The following ZMAT3 variants were observed in gnomAD, a reference collection of about 807,000 sequenced individuals.
The protein encoded by ZMAT3 is zinc finger matrin-type 3, also known as zinc finger matrin-type protein 3.
ZMAT3 carries 17 observed loss-of-function variants against 32.3 expected under a neutral mutation model. The ratio of observed to expected loss-of-function variants is 0.53; its 90% confidence interval spans 0.36 to 0.79. The LOEUF (loss-of-function observed/expected upper bound fraction) is 0.79. ZMAT3 is among the 30% of genes least tolerant of loss of function. The pLI is 0.00. For missense variants in ZMAT3, 329 were observed against 359.7 expected, an observed-to-expected ratio of 0.91 and a Z score of 0.69; for synonymous variants, 120 against 133.1, an observed-to-expected ratio of 0.90 and a Z score of 0.68.
At chr3:179,026,418 G>C (rs1576835113) in intron 5 of ZMAT3, among the ~76,000 whole-genome samples, 1 of 95,286 alleles carries the variant, frequency 1.0e-5, no homozygotes, top group African/African-American at 4.2e-5. Flanking sequence ...ACAGAGTCTT[G>C]CTCTGTCACC....
At position 179,030,883 on chromosome 3, in the gene ZMAT3, C is replaced by T. The variant is rs138510384; in HGVS notation, c.387G>A (p.Pro129=). The change falls in exon 3 of 6, where the codon CCG becomes CCA. Residue 129 remains proline, a synonymous_variant. Coordinates refer to ENST00000311417, the MANE Select transcript of ZMAT3 (RefSeq NM_022470.4). ...CACCCTGACACACATGTCTCACCTG[C>T]GGAGGGACTGGAACAACTGGAGTAG... The part of the protein sequence containing the change: ...PAATPVVPVP[P]QMGSFKPGGR... 8.1e-5 allele frequency: 130 copies of T among 1,612,420 alleles called. 1 individual carries two copies. The South Asian group carries it at 8.3e-4, about 10-fold the overall frequency.
At position 179,022,911 on chromosome 3, in the gene ZMAT3, T is replaced by C. The variant is rs751134131; in HGVS notation, c.*2106A>G. 9.2e-5 allele frequency: 14 copies of C among 151,974 alleles called. No homozygotes were observed. Among genetic ancestry groups the C allele is most frequent in the Non-Finnish European group, 1.9e-4 (13 of 67,976 alleles). The allele number at this position is 151,974 out of a possible 1,614,324, so 9.4% of individuals were successfully genotyped here. On this transcript the variant is annotated 3_prime_UTR_variant, in exon 6 of 6. Transcript: ENST00000311417. ...ATGATTGTAATTTGCCTTCCCCAAT[T>C]TTTTTTGCCTACAGAATTATCAAGA...
chr3:179,042,103 A>G (rs941481808), intron 2 of ZMAT3, among the ~76,000 whole-genome samples: 1 of 152,216 alleles, frequency 6.6e-6, no homozygotes, highest in Non-Finnish European at 1.5e-5. Flanking sequence ...ATAGCCTACC[A>G]ATCAAAAAAA....
At chr3:179,068,828 T>C (rs1418557254) in intron 1 of ZMAT3, among the ~76,000 whole-genome samples, 1 of 152,196 alleles carries the variant, frequency 6.6e-6, no homozygotes, top group Non-Finnish European at 1.5e-5. Context: ...TTAAGTCGAA[T>C]TAGTTGTTAG....
chr3:179,039,407 T>C (rs1173555887), intron 2 of ZMAT3, among the ~76,000 whole-genome samples: 5 of 152,150 alleles, frequency 3.3e-5, no homozygotes, highest in Non-Finnish European at 5.9e-5. Flanking sequence ...ATATTTGCTG[T>C]TCTGCAGCCT....
intron 2 of ZMAT3, among the ~76,000 whole-genome samples, chr3:179,063,993 A>G (rs942985173): frequency 1.5e-4 from 23 of 152,232 alleles, no homozygotes; most frequent in African/African-American, 5.3e-4. Flanking sequence ...GGATGTCAGG[A>G]AAAAATGCTA....
intron 2 of ZMAT3, among the ~76,000 whole-genome samples, chr3:179,034,470 C>A (rs1023742198): frequency 8.5e-5 from 13 of 152,216 alleles, no homozygotes; most frequent in Admixed American, 7.9e-4. Context: ...GACCTCTAAA[C>A]TCTACAATGT....
At chr3:179,070,945 A>C (rs1318393431) in intron 1 of ZMAT3, among the ~76,000 whole-genome samples, 1 of 152,226 alleles carries the variant, frequency 6.6e-6, no homozygotes, top group Admixed American at 6.5e-5. Context: ...AGAGAATAGA[A>C]TAAAGGAACA....
At chr3:179,069,888 C>T (rs931934861) in intron 1 of ZMAT3, among the ~76,000 whole-genome samples, 2 of 152,082 alleles carry the variant, frequency 1.3e-5, no homozygotes, top group African/African-American at 4.8e-5. Flanking sequence ...AGAGTTTTAA[C>T]ATTTAAAAAG....
At chr3:179,044,854 G>A (rs1267301939) in intron 2 of ZMAT3, among the ~76,000 whole-genome samples, 1 of 151,922 alleles carries the variant, frequency 6.6e-6, no homozygotes, top group African/African-American at 2.4e-5. Flanking sequence ...CACAGGGCGG[G>A]GAACATCACA....
Position 179,022,722 on chromosome 3 carries a change from T to A in ZMAT3, c.*2295A>T, listed in dbSNP as rs1285216483. On this transcript the variant is annotated 3_prime_UTR_variant, in exon 6 of 6. Coordinates refer to ENST00000311417, the MANE Select transcript of ZMAT3 (RefSeq NM_022470.4). ...AACAGAATAGTATTTGATTCTTCTG[T>A]TTCTGGGAGAAGAAAAGTTACAAAA... 1 of 152,062 alleles carries A rather than the reference T, an allele frequency of 6.6e-6. No individual in the cohort carries two copies. Among genetic ancestry groups the A allele is most frequent in the African/African-American group, 2.4e-5 (1 of 41,432 alleles). The allele number at this position is 152,062 out of a possible 1,614,324, so 9.4% of individuals were successfully genotyped here. A position where few individuals can be genotyped will look rare whatever the true frequency, so the allele number is the denominator to read the frequency against.
In ZMAT3 at chr3:179,019,944, C is replaced by G. The variant is rs1718460938; in HGVS notation, c.*5073G>C. 1 of 152,120 alleles carries G rather than the reference C, an allele frequency of 6.6e-6. No individual in the cohort carries two copies. The highest frequency in any genetic ancestry group is 2.1e-4 in the South Asian group (1 of 4,832). 9.4% of individuals were successfully genotyped at this position (152,120 alleles called of 1,614,324 possible). ...CCATTCACTAAGTACAAACGCAACA[C>G]AGATCAAGGTGAAAAATGATCTCTG... On this transcript the variant is annotated 3_prime_UTR_variant, in exon 6 of 6. Transcript: ENST00000311417.
chr3:179,049,991 CAAAA>C (rs34239014), intron 2 of ZMAT3, among the ~76,000 whole-genome samples: 5 of 8,124 alleles, frequency 6.2e-4, no homozygotes, highest in Admixed American at 2.2e-3. Flanking sequence ...GACTCCGTCT[CAAAA>C]AAAAAAAAAA....
intron 2 of ZMAT3, among the ~76,000 whole-genome samples, chr3:179,067,099 T>C (rs973719798): frequency 6.6e-6 from 1 of 152,226 alleles, no homozygotes; most frequent in Non-Finnish European, 1.5e-5. Flanking sequence ...TGAATTGAGT[T>C]CGGTACATCA....
Position 179,067,940 on chromosome 3 carries a change from C to G in ZMAT3, c.-57-131G>C, listed in dbSNP as rs988535135. The G allele has an allele frequency of 2.6e-5, 23 of 869,280 alleles. No individual in the cohort carries two copies. In the Admixed American group the frequency reaches 3.2e-4, roughly 12 times the overall value. The allele number at this position is 869,280 out of a possible 1,614,324, so 53.8% of individuals were successfully genotyped here. A position where few individuals can be genotyped will look rare whatever the true frequency, so the allele number is the denominator to read the frequency against. On this transcript the variant is annotated intron_variant, in intron 1 of 5. Coordinates refer to ENST00000311417, the MANE Select transcript of ZMAT3 (RefSeq NM_022470.4). ...CAAACCCATCTTTGGGACTTCTTTC[C>G]TTTGGCCTCATTTAGCAGACTTCCC...
intron 2 of ZMAT3, among the ~76,000 whole-genome samples, chr3:179,061,766 G>A (rs1251404334): frequency 6.6e-6 from 1 of 152,136 alleles, no homozygotes; most frequent in Non-Finnish European, 1.5e-5. Flanking sequence ...TACAGGGAAG[G>A]AAACAGCTCT....
chr3:179,031,690 T>C (rs1719204402), intron 2 of ZMAT3, among the ~76,000 whole-genome samples: 1 of 152,040 alleles, frequency 6.6e-6, no homozygotes, highest in African/African-American at 2.4e-5. Context: ...GTGGATGACC[T>C]GAGGTCAGGA....
At position 179,019,443 on chromosome 3, in the gene ZMAT3, C is replaced by T. The variant is rs911756417; in HGVS notation, c.*5574G>A. On this transcript the variant is annotated 3_prime_UTR_variant, in exon 6 of 6. Transcript: ENST00000311417. ...TTGGAATGTTCTTTAAAAAAAAAATCTGATGGATCGATGGATGAAAAGAGG... is the reference window on the plus strand; with the variant it reads ...TTGGAATGTTCTTTAAAAAAAAAATTTGATGGATCGATGGATGAAAAGAGG... The T allele has an allele frequency of 6.6e-6, 1 of 151,904 alleles. No individual in the cohort carries two copies. The highest frequency in any genetic ancestry group is 2.4e-5 in the African/African-American group (1 of 41,362). The allele number at this position is 151,904 out of a possible 1,614,324, so 9.4% of individuals were successfully genotyped here. A position where few individuals can be genotyped will look rare whatever the true frequency, so the allele number is the denominator to read the frequency against.
chr3:179,065,893 G>A (rs1331746593), intron 2 of ZMAT3, among the ~76,000 whole-genome samples: 2 of 152,170 alleles, frequency 1.3e-5, no homozygotes, highest in South Asian at 2.1e-4. Context: ...GCAACAGAGC[G>A]AGACTCTGTC....
Sources: allele counts gnomAD v4.1 joint callset (sites outside exome capture counted in the v4.1 genomes callset), GRCh38; gene constraint gnomAD v4.1.1; transcripts MANE v1.5; gene names NCBI Gene and HGNC (gene_info 2026-07-23, HGNC 2026-07-21).